DHRSX: variants seen among roughly 807,000 people sequenced by gnomAD.
DHRSX encodes polyprenol dehydrogenase.
A neutral mutation model predicts 34.0 loss-of-function variants in DHRSX; 31 were observed. The ratio of observed to expected loss-of-function variants is 0.91; its 90% CI spans 0.69 to 1.23. The LOEUF is 1.23. Ranked by LOEUF, DHRSX falls within the 50% of genes most tolerant of loss-of-function variation. The pLI, the probability that DHRSX is intolerant of heterozygous loss-of-function variation, is 0.00. For missense variants in DHRSX, 414 were observed against 428.1 expected (o/e 0.97, Z 0.29); for synonymous variants, 201 against 183.8 (o/e 1.09, Z -0.76).
At chrX:2,449,262 A>C (rs28754308) in intron 1 of DHRSX, among the ~76,000 whole-genome samples, 94,993 of 151,358 alleles carry the variant, frequency 0.63, 31,425 homozygotes, top group African/African-American at 0.85. Context: ...ACACGAGGTC[A>C]TCTCACAAAG....
At chrX:2,270,183 G>A (rs2041531006) in intron 4 of DHRSX, among the ~76,000 whole-genome samples, 1 of 152,110 alleles carries the variant, frequency 6.6e-6, no homozygotes, top group South Asian at 2.1e-4. Flanking sequence ...TTTGATGCGT[G>A]TGCATTTGTG....
At chrX:2,261,181 G>T (rs897212135) in intron 5 of DHRSX, among the ~76,000 whole-genome samples, 3 of 152,086 alleles carry the variant, frequency 2.0e-5, no homozygotes, top group Non-Finnish European at 4.4e-5. Context: ...CTGCACTCCA[G>T]CCTGGGCAAC....
intron 3 of DHRSX, among the ~76,000 whole-genome samples, chrX:2,311,167 T>G (rs2042161099): frequency 6.9e-6 from 1 of 145,936 alleles, no homozygotes; most frequent in African/African-American, 2.6e-5. Flanking sequence ...ACAGAGAAAG[T>G]GACAGAGAGG....
chrX:2,315,363 A>G (rs2042230087), intron 3 of DHRSX, among the ~76,000 whole-genome samples: 1 of 152,134 alleles, frequency 6.6e-6, no homozygotes, highest in African/African-American at 2.4e-5. Flanking sequence ...AGAAAGGCCT[A>G]CATCAGCAGC....
intron 1 of DHRSX, among the ~76,000 whole-genome samples, chrX:2,452,217 AT>A (rs1407009867): frequency 1.3e-5 from 2 of 151,890 alleles, no homozygotes; most frequent in Non-Finnish European, 2.9e-5. Flanking sequence ...TTCCCAAAAA[AT>A]GTGGCCAAGG....
At chrX:2,489,005 A>G (rs2045039453) in intron 1 of DHRSX, 8 of 1,610,144 alleles carry the variant, frequency 5.0e-6, no homozygotes, top group Non-Finnish European at 4.2e-6. Flanking sequence ...GAAGTTGCTC[A>G]GCTCCTCCAC....
At chrX:2,239,947 C>T (rs1462025456) in intron 6 of DHRSX, among the ~76,000 whole-genome samples, 1 of 152,070 alleles carries the variant, frequency 6.6e-6, no homozygotes, top group Non-Finnish European at 1.5e-5. Flanking sequence ...AATTCCTTTG[C>T]TTGAGGAATT....
At chrX:2,258,774 G>C (rs1022078837) in intron 5 of DHRSX, among the ~76,000 whole-genome samples, 1 of 152,196 alleles carries the variant, frequency 6.6e-6, no homozygotes, top group Non-Finnish European at 1.5e-5. Context: ...AGTCAGTGCC[G>C]TCAACGAAGA....
chrX:2,270,530 G>A (rs1039050047), intron 4 of DHRSX, among the ~76,000 whole-genome samples: 13 of 152,158 alleles, frequency 8.5e-5, no homozygotes, highest in African/African-American at 1.9e-4. Flanking sequence ...GCCCCATTGC[G>A]CGGAGGGCCC....
In DHRSX at chrX:2,483,789, C is replaced by CAAAAAAAAAAAAAAAAAAAAAAAAAA. The variant is rs111577835; in HGVS notation, c.109+17027_109+17028insTTTTTTTTTTTTTTTTTTTTTTTTTT. 1.8e-5 allele frequency among the ~76,000 whole-genome samples: 2 copies of CAAAAAAAAAAAAAAAAAAAAAAAAAA among 110,406 alleles called. 1 individual carries two copies. 72.4% of individuals were successfully genotyped at this position (110,406 alleles called of 152,430 possible). On this transcript the variant is annotated intron_variant, in intron 1 of 6. Coordinates refer to ENST00000334651, the MANE Select transcript of DHRSX (RefSeq NM_145177.3). ...TCGAGAAAAAAAAGGGAAAAAGTGGCAAAAAAAAAAAAAAAAAAAAGTAGT... is the reference window on the plus strand; with the variant it reads ...TCGAGAAAAAAAAGGGAAAAAGTGGCAAAAAAAAAAAAAAAAAAAAAAAAAAAAAAAAAAAAAAAAAAAAAAGTAGT...
chrX:2,356,680 CCTT>C (rs2042856696), intron 3 of DHRSX, among the ~76,000 whole-genome samples: 1 of 152,166 alleles, frequency 6.6e-6, no homozygotes, highest in Admixed American at 6.5e-5. Flanking sequence ...CCCTCTTCCT[CCTT>C]CTCCTCCTCA....
intron 3 of DHRSX, among the ~76,000 whole-genome samples, chrX:2,333,202 A>G (rs1333877221): frequency 6.6e-6 from 1 of 152,146 alleles, no homozygotes; most frequent in Non-Finnish European, 1.5e-5. Flanking sequence ...CTTTTTTATA[A>G]CTTTAACACC....
chrX:2,370,180 C>CT (rs200162307), intron 3 of DHRSX, among the ~76,000 whole-genome samples: 48,705 of 150,594 alleles, frequency 0.32, 9,047 homozygotes, highest in Non-Finnish European at 0.44. Context: ...CCCAGTTCGT[C>CT]TTTTTTTTTG....
intron 2 of DHRSX, among the ~76,000 whole-genome samples, chrX:2,415,735 T>G (rs187844022): frequency 3.3e-5 from 5 of 150,116 alleles, no homozygotes; most frequent in African/African-American, 1.2e-4. Flanking sequence ...CCAACCCAAA[T>G]AGACCTCATC....
intron 3 of DHRSX, among the ~76,000 whole-genome samples, chrX:2,376,367 A>G (rs757076842): frequency 8.0e-5 from 11 of 137,506 alleles, no homozygotes; most frequent in Admixed American, 5.8e-4. Flanking sequence ...ATCATTCACA[A>G]TGCTGGTGTC....
chrX:2,472,143 C>CA (rs112638597), intron 1 of DHRSX, among the ~76,000 whole-genome samples: 1,993 of 120,772 alleles, frequency 0.017, 40 homozygotes, highest in African/African-American at 0.043. Flanking sequence ...GAAACTGTCT[C>CA]AAAAAAAAAA....
chrX:2,408,872 A>C, intron 2 of DHRSX, 59 bp from the exon 3 acceptor site: 1 of 1,333,340 alleles, frequency 7.5e-7, no homozygotes. Flanking sequence ...GAAACTATTA[A>C]CTGCAAAAAA....
At chrX:2,461,064 T>A (rs1401332528) in intron 1 of DHRSX, among the ~76,000 whole-genome samples, 6 of 152,098 alleles carry the variant, frequency 3.9e-5, no homozygotes, top group Non-Finnish European at 8.8e-5. Context: ...TCTTTGCAGT[T>A]TTTCCCCCAA....
chrX:2,340,831 AAG>A (rs1484406782), intron 3 of DHRSX, among the ~76,000 whole-genome samples: 3 of 152,080 alleles, frequency 2.0e-5, no homozygotes, highest in African/African-American at 7.2e-5. Context: ...AGGAAGGAAA[AAG>A]AGTGTGGAAA....
Sources: allele counts gnomAD v4.1 joint callset (sites outside exome capture counted in the v4.1 genomes callset), GRCh38; gene constraint gnomAD v4.1.1; transcripts MANE v1.5; gene names NCBI Gene and HGNC (gene_info 2026-07-23, HGNC 2026-07-21).